The following PIN4 variants were observed in gnomAD, a reference collection of about 807,000 sequenced individuals.
PIN4 encodes peptidyl-prolyl cis-trans isomerase NIMA-interacting 4.
In PIN4, 3 loss-of-function variants were observed where a neutral mutation model predicts 8.3. The ratio of observed to expected loss-of-function variants is 0.36; its 90% confidence interval spans 0.16 to 0.93. The LOEUF is 0.93. Ranked by LOEUF, PIN4 falls within the 40% of genes least tolerant of loss-of-function variation. The pLI, the probability that PIN4 is intolerant of heterozygous loss-of-function variation, is 0.44. For missense variants in PIN4, 75 were observed against 100.6 expected, an observed-to-expected ratio of 0.75 and a Z score of 1.09; for synonymous variants, 18 against 32.5, an observed-to-expected ratio of 0.55 and a Z score of 1.52.
chrX:72,229,270 G>A (rs2042969892), intron 3 of PIN4, among the ~76,000 whole-genome samples: 2 of 111,151 alleles, frequency 1.8e-5, no homozygotes, highest in African/African-American at 6.5e-5. Context: ...CAAACTAACC[G>A]AGTTAACTAC....
Position 72,190,634 on chromosome X carries a change from T to C in PIN4, c.117+4100T>C, listed in dbSNP as rs184692936. Among the ~76,000 whole-genome samples, 471 of 110,982 alleles carry C rather than the reference T, an allele frequency of 4.2e-3. 8 individuals carry two copies. The highest frequency in any genetic ancestry group is 0.014 in the African/African-American group (438 of 30,450). On this transcript the variant is annotated intron_variant, in intron 2 of 3. Coordinates refer to ENST00000373669, the MANE Select transcript of PIN4 (RefSeq NM_006223.4). ...GATGAACTTATTTCAGTAGCTTGGC[T>C]CAAATTTGAAACAGTTACTTAAGAA...
intron 1 of PIN4, among the ~76,000 whole-genome samples, chrX:72,182,543 C>CAA (rs796279342): frequency 6.7e-5 from 6 of 89,820 alleles, no homozygotes; most frequent in African/African-American, 2.5e-4. Context: ...GCCTCTGTCT[C>CAA]AAAAAAAAAA....
At chrX:72,186,384 A>G (rs1196168682) in intron 1 of PIN4, 77 bp from the exon 2 acceptor site, 1 of 666,828 alleles carries the variant, frequency 1.5e-6, no homozygotes, top group East Asian at 3.6e-5. Context: ...GGAAATATCC[A>G]CTCCGGTTGT....
chrX:72,259,370 C>A (rs1475763291), intron 3 of PIN4, among the ~76,000 whole-genome samples: 1 of 109,658 alleles, frequency 9.1e-6, no homozygotes, highest in South Asian at 4.0e-4. Flanking sequence ...AGGCGCCCAC[C>A]ACCATGCCCG....
intron 3 of PIN4, among the ~76,000 whole-genome samples, chrX:72,226,535 G>A (rs1398337290): frequency 7.1e-5 from 8 of 112,102 alleles, no homozygotes; most frequent in African/African-American, 2.6e-4. Flanking sequence ...CTATGTCACG[G>A]CTAAGGGATT....
intron 3 of PIN4, among the ~76,000 whole-genome samples, chrX:72,231,867 G>A (rs1461192348): frequency 9.0e-6 from 1 of 111,597 alleles, no homozygotes; most frequent in Non-Finnish European, 1.9e-5. Flanking sequence ...CAATGTATAC[G>A]TGCATTGAAA....
chrX:72,256,768 G>A (rs956453365), intron 3 of PIN4, among the ~76,000 whole-genome samples: 3 of 112,045 alleles, frequency 2.7e-5, no homozygotes, highest in Non-Finnish European at 5.6e-5. Context: ...GAGAACGTAT[G>A]TTTTGAATGA....
chrX:72,241,645 T>C (rs2043049462), intron 3 of PIN4, among the ~76,000 whole-genome samples: 1 of 111,803 alleles, frequency 8.9e-6, no homozygotes, highest in Admixed American at 9.5e-5. Context: ...GGAGAAACCC[T>C]GTCTCTACTA....
intron 3 of PIN4, among the ~76,000 whole-genome samples, chrX:72,257,965 T>C (rs1292201480): frequency 9.0e-6 from 1 of 111,612 alleles, no homozygotes; most frequent in Non-Finnish European, 1.9e-5. Context: ...GTAGCAGAGC[T>C]GAGGTTGGAG....
At chrX:72,250,245 A>C (rs1260137998) in intron 3 of PIN4, among the ~76,000 whole-genome samples, 1 of 110,625 alleles carries the variant, frequency 9.0e-6, no homozygotes, top group African/African-American at 3.3e-5. Context: ...TTTACACTTT[A>C]AAATAGTTAA....
intron 3 of PIN4, among the ~76,000 whole-genome samples, chrX:72,221,710 C>T (rs997727580): frequency 2.7e-5 from 3 of 110,708 alleles, no homozygotes; most frequent in African/African-American, 9.9e-5. Flanking sequence ...TTAGGGACCT[C>T]GACAACTTTA....
intron 3 of PIN4, among the ~76,000 whole-genome samples, chrX:72,228,310 C>T (rs186802530): frequency 8.9e-6 from 1 of 112,079 alleles, no homozygotes; most frequent in Non-Finnish European, 1.9e-5. Flanking sequence ...TTCTTTATGG[C>T]ACCAGGGAAC....
rs140494564 is a variant in PIN4 at position 72,181,770 on chromosome X, A to G, written c.-16A>G. On this transcript the variant is annotated 5_prime_UTR_variant, in exon 1 of 4. Transcript: ENST00000373669. ...GGCAACTGGAGCGGTTCAGCGTTCAACAACAAGCTTCCAAGATGCCGCCCA... is the reference window on the plus strand; with the variant it reads ...GGCAACTGGAGCGGTTCAGCGTTCAGCAACAAGCTTCCAAGATGCCGCCCA... 1,602 of 1,199,545 alleles carry G rather than the reference A, an allele frequency of 1.3e-3. 2 individuals carry two copies. The highest frequency in any genetic ancestry group is 1.7e-3 in the Non-Finnish European group (1,512 of 886,174).
intron 3 of PIN4, among the ~76,000 whole-genome samples, chrX:72,239,275 CCAT>C (rs1440282020): frequency 8.9e-6 from 1 of 112,823 alleles, no homozygotes; most frequent in African/African-American, 3.2e-5. Context: ...CGTGCGTGTG[CCAT>C]CATTGTGAGT....
chrX:72,219,398 AC>A (rs2042907644), intron 3 of PIN4, among the ~76,000 whole-genome samples: 1 of 109,045 alleles, frequency 9.2e-6, no homozygotes. Flanking sequence ...TACTAAAAAT[AC>A]AAAAATTAGC....
intron 3 of PIN4, among the ~76,000 whole-genome samples, chrX:72,251,256 G>A (rs1168435894): frequency 3.8e-5 from 4 of 104,974 alleles, no homozygotes; most frequent in Non-Finnish European, 7.7e-5. Flanking sequence ...CCAGCTACTC[G>A]GGAGGCTGAG....
At position 72,191,707 on chromosome X, in the gene PIN4, A is replaced by G. The variant is rs56947835; in HGVS notation, c.118-5078A>G. Among the ~76,000 whole-genome samples the G allele has an allele frequency of 2.2e-4, 25 of 112,239 alleles. No homozygotes were observed. The East Asian group carries it at 7.0e-3, about 31-fold the overall frequency. The stretch of plus-strand genomic sequence containing the variant: ...TAAATGTTTTTATTATTTTAACAAG[A>G]AAGTGGAAACCAGACCCATTGTCAG... On this transcript the variant is annotated intron_variant, in intron 2 of 3. Coordinates refer to ENST00000373669, the MANE Select transcript of PIN4 (RefSeq NM_006223.4).
chrX:72,183,479 G>C (rs1274530825), intron 1 of PIN4, among the ~76,000 whole-genome samples: 1 of 111,814 alleles, frequency 8.9e-6, no homozygotes, highest in African/African-American at 3.3e-5. Flanking sequence ...GACAGATAGA[G>C]GGAGTGCAGA....
At chrX:72,200,889 A>G (rs1400388979), downstream of PIN4, among the ~76,000 whole-genome samples, 2 of 112,065 alleles carry the variant, frequency 1.8e-5, no homozygotes, top group Non-Finnish European at 3.8e-5. Context: ...TGCCCAGCCT[A>G]TGGATCCCTT....
Sources: gnomAD v4.1 joint callset for allele counts (sites outside exome capture counted in the v4.1 genomes callset) on GRCh38, gnomAD v4.1.1 for gene constraint, MANE v1.5 for transcripts, NCBI Gene and HGNC (gene_info 2026-07-23, HGNC 2026-07-21) for gene names.